The following BMPR1B variants were observed in gnomAD, a reference collection of about 807,000 sequenced individuals.
BMPR1B encodes bone morphogenetic protein receptor type 1B.
In BMPR1B, 12 loss-of-function variants were observed where a neutral mutation model predicts 59.1. That is an observed-to-expected ratio of 0.20 (90% CI 0.13 to 0.33). The LOEUF (loss-of-function observed/expected upper bound fraction) is 0.33. BMPR1B is among the 10% of genes least tolerant of loss of function. The pLI, the probability that BMPR1B is intolerant of heterozygous loss-of-function variation, is 1.00. For missense variants in BMPR1B, 550 were observed against 610.9 expected (o/e 0.90, Z 1.05); for synonymous variants, 237 against 207.3 (o/e 1.14, Z -1.23).
chr4:95,120,655 C>CTTCCTTCCT, intron 6 of BMPR1B, among the ~76,000 whole-genome samples: 1 of 118,244 alleles, frequency 8.5e-6, no homozygotes, highest in East Asian at 2.4e-4. Flanking sequence ...CCTTCCTTTC[C>CTTCCTTCCT]TTCCTTCCTT....
intron 3 of BMPR1B, among the ~76,000 whole-genome samples, chr4:95,037,007 A>G (rs1578969910): frequency 6.6e-6 from 1 of 152,066 alleles, no homozygotes; most frequent in Non-Finnish European, 1.5e-5. Context: ...CCCACCACCA[A>G]CAGTTAGCAT....
intron 1 of BMPR1B, among the ~76,000 whole-genome samples, chr4:94,789,790 T>C (rs1336354173): frequency 7.0e-6 from 1 of 143,316 alleles, no homozygotes; most frequent in Non-Finnish European, 1.5e-5. Context: ...CAGTAAATCA[T>C]ATATATAGCT....
At chr4:95,074,018 G>A (rs1728520012) in intron 3 of BMPR1B, among the ~76,000 whole-genome samples, 1 of 152,010 alleles carries the variant, frequency 6.6e-6, no homozygotes, top group African/African-American at 2.4e-5. Context: ...AGTGATTCTA[G>A]GTAGGAGTTT....
chr4:94,837,018 C>T (rs1435171159), intron 1 of BMPR1B, among the ~76,000 whole-genome samples: 1 of 143,364 alleles, frequency 7.0e-6, no homozygotes, highest in Non-Finnish European at 1.5e-5. Flanking sequence ...AATAGGGAAT[C>T]CTTTCCCCAT....
At chr4:94,961,821 T>A (rs1730365070) in intron 2 of BMPR1B, among the ~76,000 whole-genome samples, 1 of 152,210 alleles carries the variant, frequency 6.6e-6, no homozygotes, top group Non-Finnish European at 1.5e-5. Flanking sequence ...TTTTTATGAA[T>A]GCATAATAGT....
In BMPR1B at chr4:95,073,110, G is replaced by A. The variant is rs929975892; in HGVS notation, c.-17-31298G>A. On this transcript the variant is annotated intron_variant, in intron 3 of 12. Coordinates refer to ENST00000515059, the MANE Select transcript of BMPR1B (RefSeq NM_001203.3). ...CAAAAGTTCTAAGAGATAAGGGGGG[G>A]AAATCATTGCTAGAAATAGCAAACA... Among the ~76,000 whole-genome samples, 7 of 152,266 alleles carry A rather than the reference G, an allele frequency of 4.6e-5. No individual in the cohort carries two copies. The South Asian group carries it at 1.0e-3, about 23-fold the overall frequency.
At position 95,104,533 on chromosome 4, in the gene BMPR1B, C is replaced by T. The variant is rs1409575151; in HGVS notation, c.109C>T (p.His37Tyr). The T allele has an allele frequency of 1.9e-6, 3 of 1,613,382 alleles. No homozygotes were observed. In the East Asian group the frequency reaches 6.7e-5, roughly 36 times the overall value. The change falls in exon 4 of 13, where the codon CAT (histidine) becomes TAT (tyrosine). Residue 37 changes from histidine (H) to tyrosine (Y), a missense_variant. Coordinates refer to ENST00000515059, the MANE Select transcript of BMPR1B (RefSeq NM_001203.3). ...PKVLRCKCHH[H>Y]CPEDSVNNIC... ...GGTCTTGCGTTGTAAATGCCACCAC[C>T]ATTGTCCAGAAGACTCAGTCAACAA...
chr4:95,115,852 A>G, intron 6 of BMPR1B, 65 bp downstream of exon 6: 1 of 1,415,954 alleles, frequency 7.1e-7, no homozygotes, highest in South Asian at 1.1e-5. Flanking sequence ...ACTAAAAACT[A>G]GAATCGTTCT....
chr4:94,795,532 T>C (rs1268510242), intron 1 of BMPR1B, among the ~76,000 whole-genome samples: 1 of 152,160 alleles, frequency 6.6e-6, no homozygotes, highest in Non-Finnish European at 1.5e-5. Context: ...TGGCGTGATC[T>C]CAGCTCACTG....
intron 2 of BMPR1B, among the ~76,000 whole-genome samples, chr4:94,961,294 G>A (rs1180216271): frequency 6.6e-6 from 1 of 152,068 alleles, no homozygotes; most frequent in Non-Finnish European, 1.5e-5. Flanking sequence ...ATTTGTTTAT[G>A]TGTTGTCTAG....
intron 1 of BMPR1B, among the ~76,000 whole-genome samples, chr4:94,853,569 T>C (rs1725641992): frequency 6.6e-6 from 1 of 152,158 alleles, no homozygotes; most frequent in Non-Finnish European, 1.5e-5. Flanking sequence ...GTAACTTTTA[T>C]TGTTTTTGGT....
chr4:94,869,824 TC>T (rs1344912968), intron 1 of BMPR1B, among the ~76,000 whole-genome samples: 1 of 152,210 alleles, frequency 6.6e-6, no homozygotes, highest in African/African-American at 2.4e-5. Flanking sequence ...CCTTATTTTT[TC>T]TAAAGATGCA....
chr4:94,900,633 T>G (rs914686144), intron 2 of BMPR1B, among the ~76,000 whole-genome samples: 9 of 152,038 alleles, frequency 5.9e-5, no homozygotes, highest in Admixed American at 2.6e-4. Flanking sequence ...GATATATATG[T>G]TATTTGAGGC....
chr4:95,037,343 G>C (rs962794892), intron 3 of BMPR1B, among the ~76,000 whole-genome samples: 1 of 152,154 alleles, frequency 6.6e-6, no homozygotes, highest in African/African-American at 2.4e-5. Flanking sequence ...GGTCATTCAG[G>C]AAAGTATTTT....
chr4:94,819,344 T>C (rs1266889527), intron 1 of BMPR1B, among the ~76,000 whole-genome samples: 1 of 152,124 alleles, frequency 6.6e-6, no homozygotes, highest in African/African-American at 2.4e-5. Context: ...TCTCTCAGAG[T>C]GCTGTGATAC....
chr4:95,038,160 GAA>G (rs1725397513), intron 3 of BMPR1B, among the ~76,000 whole-genome samples: 1 of 152,184 alleles, frequency 6.6e-6, no homozygotes, highest in Admixed American at 6.6e-5. Flanking sequence ...ATATTGAAGA[GAA>G]GAGCATTTTA....
intron 3 of BMPR1B, among the ~76,000 whole-genome samples, chr4:95,036,848 G>T (rs1297738609): frequency 6.6e-6 from 1 of 151,800 alleles, no homozygotes; most frequent in East Asian, 1.9e-4. Context: ...AGTGTACGAG[G>T]GTTCCCTTTT....
At chr4:94,892,211 C>T (rs1005188894) in intron 2 of BMPR1B, among the ~76,000 whole-genome samples, 1 of 152,044 alleles carries the variant, frequency 6.6e-6, no homozygotes, top group African/African-American at 2.4e-5. Context: ...AATGTGTTGT[C>T]CCAGTAGATT....
intron 10 of BMPR1B, among the ~76,000 whole-genome samples, chr4:95,132,379 G>A (rs1733423138): frequency 6.6e-6 from 1 of 152,024 alleles, no homozygotes; most frequent in South Asian, 2.1e-4. Context: ...TTAAAAGTTT[G>A]GAAAGTAAAA....
Sources: gnomAD v4.1 joint callset for allele counts (sites outside exome capture counted in the v4.1 genomes callset) on GRCh38, gnomAD v4.1.1 for gene constraint, MANE v1.5 for transcripts, NCBI Gene and HGNC (gene_info 2026-07-23, HGNC 2026-07-21) for gene names.